The following PDE11A variants were observed in gnomAD, a reference collection of about 807,000 sequenced individuals.
PDE11A encodes the protein phosphodiesterase 11A, also known as dual 3',5'-cyclic-AMP and -GMP phosphodiesterase 11A.
In PDE11A, 100 loss-of-function variants were observed where a neutral mutation model predicts 100.5. The observed-to-expected ratio is 1.00, with a 90% CI of 0.85 to 1.18. The LOEUF is 1.18. PDE11A is among the 50% of genes most tolerant of loss of function. The pLI, the probability that PDE11A is intolerant of heterozygous loss-of-function variation, is 0.00. For synonymous variants in PDE11A, 381 were observed against 420.8 expected, an observed-to-expected ratio of 0.91 and a Z score of 1.16; for missense variants, 1,141 against 1,152.6, an observed-to-expected ratio of 0.99 and a Z score of 0.15.
chr2:177,902,175 C>T (rs1255453704), intron 3 of PDE11A, among the ~76,000 whole-genome samples: 2 of 152,220 alleles, frequency 1.3e-5, no homozygotes, highest in African/African-American at 2.4e-5. Context: ...ATAGCCTTAA[C>T]TGATGACATT....
At chr2:177,861,274 A>T (rs1371137596) in intron 5 of PDE11A, among the ~76,000 whole-genome samples, 1 of 151,888 alleles carries the variant, frequency 6.6e-6, no homozygotes, top group African/African-American at 2.4e-5. Context: ...ACTCAGCTGT[A>T]TTTCTACACA....
At chr2:177,664,060 C>T in intron 18 of PDE11A, 111 bp from the exon 19 acceptor site, 3 of 718,994 alleles carry the variant, frequency 4.2e-6, no homozygotes, top group Middle Eastern at 2.3e-4. Flanking sequence ...CTGAACCCTT[C>T]GCAAATCACA....
chr2:177,872,725 GA>G (rs1322191617), intron 5 of PDE11A, among the ~76,000 whole-genome samples: 1 of 152,162 alleles, frequency 6.6e-6, no homozygotes, highest in African/African-American at 2.4e-5. Context: ...GTTAAATGAT[GA>G]AAGGTTAAAG....
chr2:177,785,564 G>C (rs1359256091), intron 9 of PDE11A, among the ~76,000 whole-genome samples: 1 of 152,180 alleles, frequency 6.6e-6, no homozygotes, highest in Non-Finnish European at 1.5e-5. Context: ...CACCATGCAT[G>C]AGCCGAAGTA....
At chr2:177,896,384 T>C (rs571408835) in intron 4 of PDE11A, among the ~76,000 whole-genome samples, 1 of 152,342 alleles carries the variant, frequency 6.6e-6, no homozygotes, top group South Asian at 2.1e-4. Flanking sequence ...ATGACCACGC[T>C]TAACTGGTTT....
intron 2 of PDE11A, among the ~76,000 whole-genome samples, chr2:177,972,997 G>A (rs1175739522): frequency 6.6e-6 from 1 of 152,222 alleles, no homozygotes; most frequent in Non-Finnish European, 1.5e-5. Context: ...TGGGAGTTCT[G>A]TGGCACAGCA....
At chr2:178,047,609 C>T (rs113960304) in intron 1 of PDE11A, among the ~76,000 whole-genome samples, 109 of 152,218 alleles carry the variant, frequency 7.2e-4, no homozygotes, top group African/African-American at 2.4e-3. Flanking sequence ...GATGACAGCC[C>T]AGAGCCCCTC....
chr2:177,910,995 A>G (rs974651833), intron 2 of PDE11A, among the ~76,000 whole-genome samples: 17 of 152,222 alleles, frequency 1.1e-4, no homozygotes, highest in Middle Eastern at 3.2e-3. Flanking sequence ...GAAGAGCCAC[A>G]TCACTGTCAG....
chr2:177,898,287 A>C (rs1485056956), intron 3 of PDE11A, 89 bp from the exon 4 acceptor site: 2 of 811,646 alleles, frequency 2.5e-6, no homozygotes, highest in African/African-American at 3.5e-5. Context: ...TGCTTCAATA[A>C]AATATAGTAA....
chr2:177,901,417 C>T (rs75178834), intron 3 of PDE11A, among the ~76,000 whole-genome samples: 3,462 of 152,276 alleles, frequency 0.023, 63 homozygotes, highest in East Asian at 0.074. Flanking sequence ...AATAAAACTC[C>T]GGTGTCTGGC....
intron 2 of PDE11A, chr2:177,998,580 A>G (rs2086105736): frequency 1.5e-6 from 2 of 1,302,214 alleles, no homozygotes; most frequent in African/African-American, 2.9e-5. Context: ...CTGTGCATTG[A>G]TAGCAGAATC....
At chr2:177,829,218 G>A (rs1405739135) in intron 6 of PDE11A, among the ~76,000 whole-genome samples, 1 of 152,018 alleles carries the variant, frequency 6.6e-6, no homozygotes, top group East Asian at 1.9e-4. Context: ...ACTGTGGCCT[G>A]TGCTTTAGAC....
chr2:177,694,812 A>AT (rs1288505849), intron 15 of PDE11A, among the ~76,000 whole-genome samples: 4 of 151,806 alleles, frequency 2.6e-5, no homozygotes, highest in East Asian at 1.9e-4. Context: ...CTTTCATTTG[A>AT]TTTTTTTTAT....
intron 9 of PDE11A, among the ~76,000 whole-genome samples, chr2:177,781,585 C>A (rs1267681019): frequency 2.0e-5 from 3 of 151,940 alleles, no homozygotes; most frequent in African/African-American, 7.3e-5. Flanking sequence ...TCACTGCAGC[C>A]TCCATCTGCT....
chr2:177,629,601 G>T (rs754626003), intron 19 of PDE11A, 39 bp from the exon 20 acceptor site: 4 of 1,607,114 alleles, frequency 2.5e-6, no homozygotes, highest in Admixed American at 1.7e-5. Flanking sequence ...GGAGGAGAGA[G>T]GAAACAGAGT....
chr2:177,653,215 C>A (rs972233000), intron 19 of PDE11A, among the ~76,000 whole-genome samples: 1 of 152,150 alleles, frequency 6.6e-6, no homozygotes, highest in African/African-American at 2.4e-5. Context: ...GGTGCAGAGT[C>A]GTAGGGCATC....
chr2:177,695,361 A>C (rs991016124), intron 15 of PDE11A, among the ~76,000 whole-genome samples: 1 of 152,230 alleles, frequency 6.6e-6, no homozygotes, highest in African/African-American at 2.4e-5. Context: ...ATTCTGAAAT[A>C]TACAAAAAAT....
chr2:177,867,114 C>T (rs1340987700), intron 5 of PDE11A, among the ~76,000 whole-genome samples: 1 of 152,150 alleles, frequency 6.6e-6, no homozygotes, highest in Non-Finnish European at 1.5e-5. Flanking sequence ...TTTATATACA[C>T]TACCTAGGTT....
rs546993196 is a variant in PDE11A at position 178,032,935 on chromosome 2, GA to G, written c.913-18476del. On this transcript the variant is annotated intron_variant, in intron 1 of 19. Transcript: ENST00000286063. ...AAGGTAGATAAATCCATGAAGATGA[GA>G]AAAAAACAGTGCAAAAAAACAACTG... Among the ~76,000 whole-genome samples the G allele has an allele frequency of 6.3e-3, 954 of 152,174 alleles. 4 individuals are homozygous for G. Among genetic ancestry groups the G allele is most frequent in the African/African-American group, 0.021 (879 of 41,554 alleles).
Sources: allele counts gnomAD v4.1 joint callset (sites outside exome capture counted in the v4.1 genomes callset), GRCh38; gene constraint gnomAD v4.1.1; transcripts MANE v1.5; gene names NCBI Gene and HGNC (gene_info 2026-07-23, HGNC 2026-07-21).